Variants in LHX8 observed in about 807,000 individuals in gnomAD.
LHX8 encodes LIM/homeobox protein Lhx8.
Under a neutral mutation model 40.3 loss-of-function variants are expected in LHX8, and 12 were observed. The observed-to-expected ratio is 0.30, with a 90% CI of 0.19 to 0.48. The LOEUF is 0.48. Ranked by LOEUF, LHX8 falls within the 20% of genes least tolerant of loss-of-function variation. LHX8 has a pLI of 0.99. For missense variants in LHX8, 344 were observed against 433.7 expected (o/e 0.79, Z 1.84); for synonymous variants, 179 against 162.0 (o/e 1.10, Z -0.80).
upstream of LHX8, chr1:75,132,628 C>T (rs942466514): frequency 4.6e-5 from 7 of 152,150 alleles, no homozygotes; most frequent in African/African-American, 1.7e-4. Flanking sequence ...GGAAAGACCG[C>T]ATAAATGCCC....
the LHX8 span, among the ~76,000 whole-genome samples, chr1:75,167,010 G>A: frequency 6.6e-6 from 1 of 152,226 alleles, no homozygotes; most frequent in Non-Finnish European, 1.5e-5. Context: ...CAAAGGCAGA[G>A]TTGCAGCCTC....
At chr1:75,179,499 G>GTTTTTTTTTTT in the LHX8 span, among the ~76,000 whole-genome samples, 1 of 107,182 alleles carries the variant, frequency 9.3e-6, no homozygotes, top group Non-Finnish European at 1.9e-5. Flanking sequence ...TGCAACCCCT[G>GTTTTTTTTTTT]TTGTTTTTTT....
At chr1:75,138,227 C>G (rs1047996595) in intron 3 of LHX8, among the ~76,000 whole-genome samples, 20 of 152,184 alleles carry the variant, frequency 1.3e-4, no homozygotes, top group African/African-American at 4.8e-4. Context: ...ATAATGGTCT[C>G]TCCTACACTG....
chr1:75,169,856 A>C, the LHX8 span, among the ~76,000 whole-genome samples: 1 of 152,132 alleles, frequency 6.6e-6, no homozygotes, highest in Non-Finnish European at 1.5e-5. Flanking sequence ...GGTCCCATTT[A>C]ATAAAGGCAC....
chr1:75,176,261 T>A, the LHX8 span, among the ~76,000 whole-genome samples: 133 of 152,362 alleles, frequency 8.7e-4, no homozygotes, highest in African/African-American at 3.0e-3. Flanking sequence ...TCTTCCACAA[T>A]GGTTTAACTA....
intron 7 of LHX8, among the ~76,000 whole-genome samples, chr1:75,156,065 A>G (rs2100360029): frequency 6.6e-6 from 1 of 151,290 alleles, no homozygotes; most frequent in East Asian, 2.0e-4. Flanking sequence ...CCTAAATACC[A>G]GTAGTAAAAC....
the LHX8 span, among the ~76,000 whole-genome samples, chr1:75,192,288 G>A: frequency 6.6e-6 from 1 of 152,160 alleles, no homozygotes; most frequent in Non-Finnish European, 1.5e-5. Context: ...CCTGACCAAG[G>A]TCTGTAAACC....
chr1:75,162,716 A>T (rs1414288790), downstream of LHX8, among the ~76,000 whole-genome samples: 7 of 152,214 alleles, frequency 4.6e-5, no homozygotes, highest in African/African-American at 1.7e-4. Flanking sequence ...GTTAATCATG[A>T]AAAGAGATAG....
chr1:75,165,131 T>C (rs1439797880), downstream of LHX8, among the ~76,000 whole-genome samples: 1 of 152,214 alleles, frequency 6.6e-6, no homozygotes, highest in Admixed American at 6.5e-5. Context: ...TGTTTTACTT[T>C]AGTACCTGGC....
the LHX8 span, among the ~76,000 whole-genome samples, chr1:75,198,590 C>G: frequency 2.6e-5 from 4 of 152,144 alleles, no homozygotes; most frequent in African/African-American, 9.7e-5. Context: ...TCCCCTTGGC[C>G]TGTTTCTCAA....
At chr1:75,164,726 C>CTTTT (rs201120196), downstream of LHX8, among the ~76,000 whole-genome samples, 1 of 135,326 alleles carries the variant, frequency 7.4e-6, no homozygotes, top group African/African-American at 2.7e-5. Context: ...AACCAGTATC[C>CTTTT]TTTTTTTTTT....
At chr1:75,139,214 G>C (rs1648242094) in intron 3 of LHX8, among the ~76,000 whole-genome samples, 1 of 152,154 alleles carries the variant, frequency 6.6e-6, no homozygotes, top group Non-Finnish European at 1.5e-5. Context: ...CCTTCGGGTA[G>C]TTTTTCTGGC....
the LHX8 span, among the ~76,000 whole-genome samples, chr1:75,167,640 A>C: frequency 2.0e-5 from 3 of 152,240 alleles, no homozygotes; most frequent in East Asian, 3.9e-4. Flanking sequence ...CACTTTAATA[A>C]GTTTTATTAT....
At position 75,137,221 on chromosome 1, in the gene LHX8, A is replaced by G. The variant is rs1648173795; in HGVS notation, c.197A>G (p.Asn66Ser). The G allele has an allele frequency of 1.2e-6, 2 of 1,613,578 alleles. No individual in the cohort carries two copies. The highest frequency in any genetic ancestry group is 1.7e-6 in the Non-Finnish European group (2 of 1,179,970). Reference protein sequence around the residue: ...SGCPPGKCVCNSCGLEIVDKY... With the variant: ...SGCPPGKCVCSSCGLEIVDKY... ...TGCCCTCCTGGCAAGTGTGTGTGCA[A>G]CAGTTGCGGCCTGGAGATCGTGGAC... is the stretch of plus-strand genomic sequence containing the variant. The change falls in exon 3 of 9, where the codon AAC becomes AGC. Residue 66 changes from asparagine to serine, a missense_variant. Physicochemically the swap from Asn to Ser is conservative, Grantham distance 46 (BLOSUM62 1). Transcript: ENST00000356261.
chr1:75,170,926 C>T, the LHX8 span, among the ~76,000 whole-genome samples: 8 of 152,240 alleles, frequency 5.3e-5, no homozygotes, highest in East Asian at 1.9e-4. Flanking sequence ...ACAACATTGC[C>T]GCATGGTATA....
At chr1:75,198,421 A>T in the LHX8 span, among the ~76,000 whole-genome samples, 18 of 152,282 alleles carry the variant, frequency 1.2e-4, no homozygotes, top group African/African-American at 3.6e-4. Flanking sequence ...GCCCAACTCT[A>T]GGTACCAGTC....
chr1:75,182,539 A>C, the LHX8 span, among the ~76,000 whole-genome samples: 2 of 151,918 alleles, frequency 1.3e-5, no homozygotes, highest in Non-Finnish European at 2.9e-5. Flanking sequence ...ACACCCAGTT[A>C]ACTTTGTATT....
the LHX8 span, among the ~76,000 whole-genome samples, chr1:75,170,644 CAA>C: frequency 2.0e-5 from 3 of 152,108 alleles, no homozygotes; most frequent in Non-Finnish European, 2.9e-5. Context: ...TTAAGATACT[CAA>C]GAGTCAACTG....
In LHX8 at chr1:75,136,664, G is replaced by C; in HGVS notation, c.50G>C (p.Arg17Pro). 2 of 1,547,902 alleles carry C rather than the reference G, an allele frequency of 1.3e-6. No individual in the cohort carries two copies. Among genetic ancestry groups the C allele is most frequent in the African/African-American group, 1.4e-5 (1 of 73,152 alleles). The change falls in exon 2 of 9, where the codon CGC becomes CCC. Residue 17 changes from arginine (R) to proline (P), a missense_variant. This residue lies in a region of LHX8 where 108 missense variants were observed against 90.1 expected (regional missense o/e 1.20). Transcript: ENST00000356261. ...ACAGCCCTGGCGGCCGGGAGGACTC[G>C]CAAAGGCGCCGGGGAAGAGGGACTG... ...RTTALAAGRT[R>P]KGAGEEGLVS...
Sources: allele counts gnomAD v4.1 joint callset (sites outside exome capture counted in the v4.1 genomes callset), GRCh38; gene constraint gnomAD v4.1.1; regional missense constraint gnomAD v4.1.1; transcripts MANE v1.5; gene names NCBI Gene and HGNC (gene_info 2026-07-23, HGNC 2026-07-21).